KCNK2: variants seen among roughly 807,000 people sequenced by gnomAD.
KCNK2 encodes the protein potassium channel subfamily K member 2.
In KCNK2, 21 loss-of-function variants were observed where a neutral mutation model predicts 40.5. The observed-to-expected ratio is 0.52, with a 90% CI of 0.37 to 0.75. The LOEUF (loss-of-function observed/expected upper bound fraction) is 0.75. Ranked by LOEUF, KCNK2 falls within the 30% of genes least tolerant of loss-of-function variation. KCNK2 has a pLI of 0.00. For missense variants in KCNK2, 399 were observed against 531.6 expected (o/e 0.75, Z 2.45); for synonymous variants, 191 against 202.2 (o/e 0.94, Z 0.47).
chr1:215,182,840 C>T (rs1664282365), intron 5 of KCNK2, among the ~76,000 whole-genome samples: 1 of 152,180 alleles, frequency 6.6e-6, no homozygotes, highest in African/African-American at 2.4e-5. Flanking sequence ...TTCCCAGTGC[C>T]TTTCCCTCAC....
At chr1:215,234,531 C>T (rs879250136) in intron 6 of KCNK2, among the ~76,000 whole-genome samples, 3 of 146,372 alleles carry the variant, frequency 2.0e-5, no homozygotes. Context: ...TTTACAGCAT[C>T]AAAAATTTCA....
intron 1 of KCNK2, among the ~76,000 whole-genome samples, chr1:215,038,712 C>T (rs1178378099): frequency 6.6e-6 from 1 of 152,034 alleles, no homozygotes; most frequent in Admixed American, 6.6e-5. Context: ...AAGAAATGTT[C>T]TTCATTAATA....
chr1:215,099,921 C>A (rs1348140642), intron 2 of KCNK2, among the ~76,000 whole-genome samples: 1 of 151,962 alleles, frequency 6.6e-6, no homozygotes, highest in Non-Finnish European at 1.5e-5. Context: ...CCTTTCCTGT[C>A]ACTATTATTT....
intron 2 of KCNK2, among the ~76,000 whole-genome samples, chr1:215,119,427 A>G (rs1244534375): frequency 2.0e-5 from 3 of 152,186 alleles, no homozygotes; most frequent in Non-Finnish European, 2.9e-5. Flanking sequence ...AAGATGTTCC[A>G]TAATTATCTT....
At chr1:215,011,614 T>TAGAGGAA (rs1382264468) in intron 1 of KCNK2, among the ~76,000 whole-genome samples, 1 of 140,756 alleles carries the variant, frequency 7.1e-6, no homozygotes, top group African/African-American at 2.6e-5. Flanking sequence ...TTTTTTTATT[T>TAGAGGAA]TTATTTTTTG....
chr1:215,140,162 ACT>A (rs925723583), intron 3 of KCNK2, among the ~76,000 whole-genome samples: 1 of 152,178 alleles, frequency 6.6e-6, no homozygotes, highest in Admixed American at 6.6e-5. Context: ...TATGAACTTC[ACT>A]GATACAGAAA....
At chr1:215,045,725 T>C (rs1373520693) in intron 1 of KCNK2, among the ~76,000 whole-genome samples, 2 of 152,196 alleles carry the variant, frequency 1.3e-5, no homozygotes, top group African/African-American at 2.4e-5. Context: ...TTAATAGTTA[T>C]TCAAGATGCC....
intron 6 of KCNK2, among the ~76,000 whole-genome samples, chr1:215,196,239 A>T (rs1242905079): frequency 6.6e-6 from 1 of 151,956 alleles, no homozygotes; most frequent in Non-Finnish European, 1.5e-5. Flanking sequence ...TCACACCACC[A>T]TGCCCAGCTA....
chr1:215,209,386 T>TATATTATATATAAAATATGC (rs1665485073), intron 6 of KCNK2, among the ~76,000 whole-genome samples: 4 of 49,984 alleles, frequency 8.0e-5, no homozygotes, highest in African/African-American at 3.7e-4. Flanking sequence ...ATATAAAATA[T>TATATTATATATAAAATATGC]ATATATTATA....
chr1:215,215,588 G>A (rs1026786539), intron 6 of KCNK2, among the ~76,000 whole-genome samples: 1 of 152,122 alleles, frequency 6.6e-6, no homozygotes, highest in Non-Finnish European at 1.5e-5. Context: ...GCTTTGGACA[G>A]CTCTGATGGC....
intron 2 of KCNK2, among the ~76,000 whole-genome samples, chr1:215,091,107 G>T (rs956004627): frequency 6.6e-6 from 1 of 152,162 alleles, no homozygotes; most frequent in South Asian, 2.1e-4. Flanking sequence ...GAATCCCTAC[G>T]TGTTGGGGCC....
At chr1:215,136,995 T>C (rs552523282) in intron 3 of KCNK2, among the ~76,000 whole-genome samples, 2 of 152,318 alleles carry the variant, frequency 1.3e-5, no homozygotes, top group Admixed American at 1.3e-4. Context: ...AAAAATTTAA[T>C]TTTTTCCATG....
chr1:215,184,440 G>A (rs950883208), intron 5 of KCNK2, among the ~76,000 whole-genome samples: 11 of 152,196 alleles, frequency 7.2e-5, no homozygotes, highest in Middle Eastern at 3.4e-3. Flanking sequence ...GCCTGATGTC[G>A]TATTGTATGT....
intron 1 of KCNK2, among the ~76,000 whole-genome samples, chr1:215,009,456 A>G (rs890782046): frequency 6.6e-6 from 1 of 152,130 alleles, no homozygotes; most frequent in Non-Finnish European, 1.5e-5. Flanking sequence ...ACATATATAT[A>G]TCATTTCATT....
chr1:215,106,419 A>G (rs903651184), intron 2 of KCNK2, among the ~76,000 whole-genome samples: 5 of 151,914 alleles, frequency 3.3e-5, no homozygotes, highest in African/African-American at 9.7e-5. Context: ...TGTCCTTTGC[A>G]TAACTTTTAA....
At chr1:215,221,415 A>C (rs561739376) in intron 6 of KCNK2, among the ~76,000 whole-genome samples, 1 of 152,254 alleles carries the variant, frequency 6.6e-6, no homozygotes, top group South Asian at 2.1e-4. Context: ...AAAAACACAC[A>C]AAAAAATACT....
intron 5 of KCNK2, among the ~76,000 whole-genome samples, chr1:215,189,555 G>C (rs1412487150): frequency 2.0e-5 from 3 of 152,038 alleles, no homozygotes; most frequent in Non-Finnish European, 4.4e-5. Context: ...ACAGGGACAC[G>C]GACAACTTCT....
At chr1:215,129,739 G>T (rs1661583952) in intron 3 of KCNK2, among the ~76,000 whole-genome samples, 1 of 152,142 alleles carries the variant, frequency 6.6e-6, no homozygotes, top group African/African-American at 2.4e-5. Flanking sequence ...GAGATAAGAG[G>T]CAGCAAGATC....
chr1:215,138,715 G>T (rs1662037990), intron 3 of KCNK2, among the ~76,000 whole-genome samples: 1 of 152,188 alleles, frequency 6.6e-6, no homozygotes, highest in East Asian at 1.9e-4. Flanking sequence ...TATGATAATA[G>T]AAAGGAGATT....
Sources: gnomAD v4.1 joint callset for allele counts (sites outside exome capture counted in the v4.1 genomes callset) on GRCh38, gnomAD v4.1.1 for gene constraint, MANE v1.5 for transcripts, NCBI Gene and HGNC (gene_info 2026-07-23, HGNC 2026-07-21) for gene names.